The following ST3GAL6 variants were observed in gnomAD, a reference collection of about 807,000 sequenced individuals.
ST3GAL6 encodes type 2 lactosamine alpha-2,3-sialyltransferase.
A neutral mutation model predicts 40.5 loss-of-function variants in ST3GAL6; 31 were observed. That is an observed-to-expected ratio of 0.77 (90% CI 0.58 to 1.03). ST3GAL6 has a LOEUF of 1.03. Among genes scored for constraint, ST3GAL6 ranks in the 50% least tolerant of loss-of-function variants. The probability of loss-of-function intolerance (pLI) is 0.00; values close to 1 mark genes in which losing one functional copy is unlikely to be tolerated. For missense variants in ST3GAL6, 357 were observed against 393.2 expected (o/e 0.91, Z 0.78); for synonymous variants, 129 against 136.9 (o/e 0.94, Z 0.40).
chr3:98,759,605 GT>G (rs879761379), upstream of ST3GAL6, among the ~76,000 whole-genome samples: 267 of 146,982 alleles, frequency 1.8e-3, no homozygotes, highest in Middle Eastern at 3.5e-3. Flanking sequence ...CCTTTGACAA[GT>G]TTTTTTTTTT....
chr3:98,765,538 T>C (rs544767458), intron 1 of ST3GAL6, among the ~76,000 whole-genome samples: 14 of 152,200 alleles, frequency 9.2e-5, no homozygotes, highest in Non-Finnish European at 2.1e-4. Context: ...TAAAGCAAAG[T>C]GAAACATTTG....
chr3:98,778,625 C>T (rs1034975164), intron 5 of ST3GAL6, among the ~76,000 whole-genome samples: 1 of 152,130 alleles, frequency 6.6e-6, no homozygotes, highest in Non-Finnish European at 1.5e-5. Context: ...AGTACTTTTG[C>T]CAAAGGAAAT....
chr3:98,763,490 C>A, intron 1 of ST3GAL6, 51 bp downstream of exon 1: 1 of 1,285,932 alleles, frequency 7.8e-7, no homozygotes, highest in Non-Finnish European at 1.0e-6. Flanking sequence ...TGGCTTAAAT[C>A]TAGATGCTGC....
At chr3:98,768,290 C>T in intron 1 of ST3GAL6, 140 bp from the exon 2 acceptor site, 2 of 689,306 alleles carry the variant, frequency 2.9e-6, no homozygotes, top group Non-Finnish European at 2.6e-6. Context: ...TGAGTATTTC[C>T]AAAATTACAT....
chr3:98,778,475 C>G (rs1042565397), intron 5 of ST3GAL6, among the ~76,000 whole-genome samples: 1 of 152,166 alleles, frequency 6.6e-6, no homozygotes, highest in Non-Finnish European at 1.5e-5. Context: ...GGATTTTTAG[C>G]AAGGAGAGCT....
chr3:98,732,862 C>T (rs905648054), intron 1 of ST3GAL6: 1 of 1,512,148 alleles, frequency 6.6e-7, no homozygotes, highest in Non-Finnish European at 8.8e-7. Flanking sequence ...TTCTGCGGCC[C>T]GATGTGGCAG....
intron 9 of ST3GAL6, among the ~76,000 whole-genome samples, chr3:98,792,396 C>T (rs1214195311): frequency 1.3e-5 from 2 of 152,136 alleles, no homozygotes; most frequent in Admixed American, 6.5e-5. Context: ...TTTAACCCTA[C>T]AAGAGAATCT....
At chr3:98,748,834 A>T (rs1227948536) in intron 1 of ST3GAL6, among the ~76,000 whole-genome samples, 1 of 152,090 alleles carries the variant, frequency 6.6e-6, no homozygotes, top group Non-Finnish European at 1.5e-5. Flanking sequence ...TACCATTTTC[A>T]TTCTCACCTC....
intron 5 of ST3GAL6, 35 bp from the exon 6 acceptor site, chr3:98,784,910 T>C (rs1345002182): frequency 6.5e-7 from 1 of 1,541,312 alleles, no homozygotes; most frequent in Non-Finnish European, 8.9e-7. Flanking sequence ...TTGTAAAAGA[T>C]GGCTCAATCT....
chr3:98,753,097 T>C (rs1937150599), intron 1 of ST3GAL6, among the ~76,000 whole-genome samples: 1 of 152,232 alleles, frequency 6.6e-6, no homozygotes, highest in Non-Finnish European at 1.5e-5. Context: ...CCAGAAACTA[T>C]GCCTCTTGAG....
intron 1 of ST3GAL6, among the ~76,000 whole-genome samples, chr3:98,750,156 C>T (rs530601562): frequency 6.6e-6 from 1 of 152,148 alleles, no homozygotes. Flanking sequence ...ATACTGAAAT[C>T]ACAAATTCAT....
chr3:98,791,491 A>G (rs561945330), intron 8 of ST3GAL6, among the ~76,000 whole-genome samples: 17 of 152,344 alleles, frequency 1.1e-4, no homozygotes, highest in African/African-American at 4.1e-4. Flanking sequence ...TGCTTTTGCC[A>G]TAAGGAGCCT....
chr3:98,790,703 T>C (rs980117857), intron 8 of ST3GAL6, among the ~76,000 whole-genome samples: 1 of 152,134 alleles, frequency 6.6e-6, no homozygotes, highest in Non-Finnish European at 1.5e-5. Flanking sequence ...ATTCCTCTTA[T>C]AAGAGTTTGT....
chr3:98,743,430 CAGGG>C (rs1936288923), intron 1 of ST3GAL6, among the ~76,000 whole-genome samples: 1 of 152,102 alleles, frequency 6.6e-6, no homozygotes. Context: ...TCTGAACCCG[CAGGG>C]CTGAGCTGCC....
At chr3:98,779,394 A>ATG (rs1939859375) in intron 5 of ST3GAL6, among the ~76,000 whole-genome samples, 1 of 151,838 alleles carries the variant, frequency 6.6e-6, no homozygotes, top group Non-Finnish European at 1.5e-5. Flanking sequence ...AGCAAGGCAC[A>ATG]TGGGGTAATG....
chr3:98,775,488 A>AC (rs1553716177), intron 5 of ST3GAL6, among the ~76,000 whole-genome samples: 29 of 151,860 alleles, frequency 1.9e-4, no homozygotes, highest in Admixed American at 5.3e-4. Context: ...AAAAAAAAAA[A>AC]AAGATAATTG....
At chr3:98,753,317 C>T (rs1027214178) in intron 1 of ST3GAL6, among the ~76,000 whole-genome samples, 14 of 152,156 alleles carry the variant, frequency 9.2e-5, no homozygotes, top group Admixed American at 4.6e-4. Flanking sequence ...ACTAAGGGAA[C>T]CTGCAGAAGA....
intron 1 of ST3GAL6, among the ~76,000 whole-genome samples, chr3:98,740,040 G>A (rs1056745350): frequency 3.3e-5 from 5 of 152,058 alleles, no homozygotes; most frequent in Admixed American, 2.6e-4. Flanking sequence ...GGTAGATGTC[G>A]AAGTGATTTA....
chr3:98,751,640 A>G (rs1007454426), intron 1 of ST3GAL6, among the ~76,000 whole-genome samples: 2 of 152,216 alleles, frequency 1.3e-5, no homozygotes, highest in South Asian at 2.1e-4. Flanking sequence ...GTACATTCTC[A>G]TTTAATGTCA....
Sources: gnomAD v4.1 joint callset for allele counts (sites outside exome capture counted in the v4.1 genomes callset) on GRCh38, gnomAD v4.1.1 for gene constraint, MANE v1.5 for transcripts, NCBI Gene and HGNC (gene_info 2026-07-23, HGNC 2026-07-21) for gene names.